SLC9B2: variants seen among roughly 807,000 people sequenced by gnomAD.
SLC9B2 encodes sodium/hydrogen exchanger 9B2.
A neutral mutation model predicts 52.2 loss-of-function variants in SLC9B2; 39 were observed. That is an observed-to-expected ratio of 0.75 (90% CI 0.58 to 0.98). The LOEUF is 0.98. Among genes scored for constraint, SLC9B2 ranks in the 50% least tolerant of loss-of-function variants. SLC9B2 has a pLI of 0.00. For synonymous variants in SLC9B2, 214 were observed against 227.0 expected, an observed-to-expected ratio of 0.94 and a Z score of 0.51; for missense variants, 626 against 637.5, an observed-to-expected ratio of 0.98 and a Z score of 0.19.
At chr4:103,049,973 G>T (rs1041907387) in intron 5 of SLC9B2, among the ~76,000 whole-genome samples, 1 of 150,334 alleles carries the variant, frequency 6.7e-6, no homozygotes, top group African/African-American at 2.4e-5. Context: ...AGATCAAGCC[G>T]CTGTACTCCA....
intron 3 of SLC9B2, among the ~76,000 whole-genome samples, chr4:103,060,808 T>G (rs999072314): frequency 6.6e-6 from 1 of 152,248 alleles, no homozygotes; most frequent in Non-Finnish European, 1.5e-5. Flanking sequence ...AAATGTTTTT[T>G]GAAAATAGAT....
At chr4:103,066,256 A>T in intron 3 of SLC9B2, 71 bp downstream of exon 3, 1 of 1,516,720 alleles carries the variant, frequency 6.6e-7, no homozygotes, top group Admixed American at 2.1e-5. Flanking sequence ...TGTCCTTTCA[A>T]CCATATTATT....
chr4:103,049,186 C>T (rs1293158525), intron 5 of SLC9B2, among the ~76,000 whole-genome samples, 166 bp from the exon 6 acceptor site: 1 of 152,158 alleles, frequency 6.6e-6, no homozygotes, highest in African/African-American at 2.4e-5. Flanking sequence ...TGTTTTCAGA[C>T]AGCTTATTAA....
intron 8 of SLC9B2, 38 bp downstream of exon 8, chr4:103,044,852 T>C (rs1352914935): frequency 4.0e-6 from 6 of 1,487,736 alleles, no homozygotes; most frequent in African/African-American, 2.8e-5. Context: ...CCCAATGATA[T>C]TTCAGAGCAC....
At chr4:103,019,678 C>T, downstream of SLC9B2, 1 of 985,514 alleles carries the variant, frequency 1.0e-6, no homozygotes. Flanking sequence ...ACGCGCCACC[C>T]AGGTGGGCAG....
At chr4:103,053,366 T>C (rs1402382309) in intron 4 of SLC9B2, among the ~76,000 whole-genome samples, 1 of 152,210 alleles carries the variant, frequency 6.6e-6, no homozygotes, top group South Asian at 2.1e-4. Context: ...ACCAGTAAAC[T>C]TTCTTCCTCT....
At position 103,067,161 on chromosome 4, in the gene SLC9B2, A is replaced by G. The variant is rs552875196; in HGVS notation, c.90+300T>C. 2.4e-4 allele frequency among the ~76,000 whole-genome samples: 36 copies of G among 152,350 alleles called. No homozygotes were observed. In the South Asian group the frequency reaches 7.0e-3, roughly 30 times the overall value. ...CAGGGCAATAATTGGCACATATACC[A>G]AAGTGGTTTAGAAAAAGATAACTAT... is the stretch of plus-strand genomic sequence containing the variant. On this transcript the variant is annotated intron_variant, in intron 2 of 11. Coordinates refer to ENST00000394785, the MANE Select transcript of SLC9B2 (RefSeq NM_178833.7).
intron 1 of SLC9B2, among the ~76,000 whole-genome samples, chr4:103,070,436 TTTTG>T (rs946277276): frequency 2.0e-5 from 3 of 152,232 alleles, no homozygotes; most frequent in Admixed American, 6.5e-5. Context: ...CCTTATTTTG[TTTTG>T]TTTGTTTGTT....
At chr4:103,032,904 G>T (rs1431675056) in intron 9 of SLC9B2, among the ~76,000 whole-genome samples, 1 of 152,200 alleles carries the variant, frequency 6.6e-6, no homozygotes, top group Non-Finnish European at 1.5e-5. Context: ...GGAATGTGGA[G>T]GGTACAGGCT....
chr4:103,033,315 T>C (rs903473409), intron 9 of SLC9B2, among the ~76,000 whole-genome samples: 6 of 152,032 alleles, frequency 3.9e-5, no homozygotes, highest in Admixed American at 1.3e-4. Flanking sequence ...AGAGACAGCA[T>C]CATCATACTG....
In SLC9B2 at chr4:103,025,560, T is replaced by C. The variant is rs962828225; in HGVS notation, c.*810A>G. 2 of 152,130 alleles carry C rather than the reference T, an allele frequency of 1.3e-5. No homozygotes were observed. The highest frequency in any genetic ancestry group is 1.3e-4 in the Admixed American group (2 of 15,262). The allele number at this position is 152,130 out of a possible 1,614,324, so 9.4% of individuals were successfully genotyped here. On this transcript the variant is annotated 3_prime_UTR_variant, in exon 12 of 12. Coordinates refer to ENST00000394785, the MANE Select transcript of SLC9B2 (RefSeq NM_178833.7). ...TTTTTTATTTCTTCATTATAGCACA[T>C]TACCCTAATGTAATATTCATAAGAC...
At chr4:103,055,867 G>A (rs948293316) in intron 4 of SLC9B2, among the ~76,000 whole-genome samples, 10 of 149,838 alleles carry the variant, frequency 6.7e-5, no homozygotes, top group East Asian at 2.0e-4. Context: ...GCAGTGGCGC[G>A]ATCTCGGCTC....
intron 4 of SLC9B2, among the ~76,000 whole-genome samples, chr4:103,056,354 TCTC>T (rs1351974316): frequency 6.6e-6 from 1 of 151,910 alleles, no homozygotes; most frequent in Non-Finnish European, 1.5e-5. Flanking sequence ...TTTAAGTAAT[TCTC>T]CTATCTCAGC....
At chr4:103,065,655 T>G (rs1436425783) in intron 3 of SLC9B2, 1 of 152,204 alleles carries the variant, frequency 6.6e-6, no homozygotes, top group African/African-American at 2.4e-5. Flanking sequence ...GACACACATA[T>G]GCACACAATT....
chr4:103,064,673 T>C (rs1165427762), intron 3 of SLC9B2, among the ~76,000 whole-genome samples: 3 of 152,172 alleles, frequency 2.0e-5, no homozygotes, highest in Non-Finnish European at 4.4e-5. Context: ...AAATGCTTCA[T>C]GTGTTAGATA....
rs539147620 is a variant in SLC9B2 at position 103,053,702 on chromosome 4, C to CTT, written c.443-3322_443-3321dup. On this transcript the variant is annotated intron_variant, in intron 4 of 11. Transcript: ENST00000394785. Reference sequence around the variant, plus strand: ...CTCTGGGGTAAGACCTAGGCATCAGCTTTTTTTTTTTCTTTTTTTGAGACC... The same window carrying CTT: ...CTCTGGGGTAAGACCTAGGCATCAGCTTTTTTTTTTTTTCTTTTTTTGAGACC... 1.3e-3 allele frequency among the ~76,000 whole-genome samples: 187 copies of CTT among 146,524 alleles called. No individual in the cohort carries two copies. In the Middle Eastern group the frequency reaches 0.017, roughly 14 times the overall value.
rs201752006 is a variant in SLC9B2 at position 103,066,316 on chromosome 4, T to A, written c.271+11A>T. 1.2e-5 allele frequency: 20 copies of A among 1,603,780 alleles called. No individual in the cohort carries two copies. In the East Asian group the frequency reaches 4.0e-4, roughly 32 times the overall value. ...TCATCTTTTGCCATCTCTTTCTGAA[T>A]TCATCCTTACCATTTGTTATGACCC... On this transcript the variant is annotated intron_variant, in intron 3 of 11. Transcript: ENST00000394785.
intron 4 of SLC9B2, among the ~76,000 whole-genome samples, chr4:103,051,491 C>T (rs753003171): frequency 6.6e-5 from 10 of 152,052 alleles, no homozygotes; most frequent in Non-Finnish European, 1.2e-4. Flanking sequence ...CATTTATCTA[C>T]GGGAAAGTCT....
intron 6 of SLC9B2, among the ~76,000 whole-genome samples, chr4:103,047,984 G>C (rs1048284051): frequency 2.6e-5 from 4 of 152,106 alleles, no homozygotes; most frequent in Non-Finnish European, 5.9e-5. Context: ...CAGGATGCTG[G>C]CTTTTTTAAA....
Sources: allele counts gnomAD v4.1 joint callset (sites outside exome capture counted in the v4.1 genomes callset), GRCh38; gene constraint gnomAD v4.1.1; transcripts MANE v1.5; gene names NCBI Gene and HGNC (gene_info 2026-07-23, HGNC 2026-07-21).